The following SLC26A7 variants were observed in gnomAD, a reference collection of about 807,000 sequenced individuals.
The protein encoded by SLC26A7 is solute carrier family 26 member 7.
In SLC26A7, 59 loss-of-function variants were observed where a neutral mutation model predicts 82.5. That is an observed-to-expected ratio of 0.72 (90% CI 0.58 to 0.89). SLC26A7 has a LOEUF of 0.89. Ranked by LOEUF, SLC26A7 falls within the 40% of genes least tolerant of loss-of-function variation. The pLI is 0.00. For missense variants in SLC26A7, 820 were observed against 793.0 expected (o/e 1.03, Z -0.41); for synonymous variants, 271 against 274.3 (o/e 0.99, Z 0.12).
At chr8:91,280,138 C>T (rs1444313788) in intron 2 of SLC26A7, among the ~76,000 whole-genome samples, 1 of 151,984 alleles carries the variant, frequency 6.6e-6, no homozygotes. Context: ...TCTTTTGTTG[C>T]CTATGTTTTT....
intron 2 of SLC26A7, among the ~76,000 whole-genome samples, chr8:91,277,064 C>T (rs376933136): frequency 2.6e-5 from 4 of 152,272 alleles, no homozygotes; most frequent in African/African-American, 9.6e-5. Flanking sequence ...CCTTGCTTTC[C>T]TTCGAATACT....
intron 2 of SLC26A7, among the ~76,000 whole-genome samples, chr8:91,280,609 C>T (rs1811545475): frequency 6.6e-6 from 1 of 152,210 alleles, no homozygotes; most frequent in Non-Finnish European, 1.5e-5. Flanking sequence ...CTATTATTTG[C>T]CAGGAGTGCC....
At chr8:91,367,361 T>C (rs1429119779) in intron 14 of SLC26A7, among the ~76,000 whole-genome samples, 3 of 152,230 alleles carry the variant, frequency 2.0e-5, no homozygotes, top group Non-Finnish European at 4.4e-5. Flanking sequence ...CTAAACGTGA[T>C]AGAATATGAT....
intron 15 of SLC26A7, among the ~76,000 whole-genome samples, chr8:91,386,284 G>A (rs1179911899): frequency 6.6e-6 from 1 of 152,012 alleles, no homozygotes; most frequent in African/African-American, 2.4e-5. Context: ...ATTATGTTTG[G>A]TAGTAAATAA....
At chr8:91,368,707 G>A (rs1307172185) in intron 14 of SLC26A7, among the ~76,000 whole-genome samples, 2 of 152,146 alleles carry the variant, frequency 1.3e-5, no homozygotes, top group African/African-American at 4.8e-5. Context: ...ACAGGCGTGA[G>A]CCACCACGCC....
chr8:91,238,587 A>G (rs1413389235), intron 2 of SLC26A7, among the ~76,000 whole-genome samples: 1 of 150,180 alleles, frequency 6.7e-6, no homozygotes, highest in Non-Finnish European at 1.5e-5. Context: ...ATATATATAT[A>G]CATATAATTT....
At chr8:91,286,466 T>C (rs4386941) in intron 2 of SLC26A7, among the ~76,000 whole-genome samples, 88,058 of 151,994 alleles carry the variant, frequency 0.58, 27,461 homozygotes, top group Non-Finnish European at 0.7. Context: ...TAATCAGCCA[T>C]GTAAAGATTT....
At chr8:91,363,419 T>C (rs1814103497) in intron 12 of SLC26A7, 53 bp from the exon 13 acceptor site, 1 of 1,152,466 alleles carries the variant, frequency 8.7e-7, no homozygotes, top group Non-Finnish European at 1.3e-6. Context: ...CTTCATTGTT[T>C]ATATAATGAT....
At chr8:91,289,797 T>A (rs999504591) in intron 3 of SLC26A7, among the ~76,000 whole-genome samples, 2 of 152,194 alleles carry the variant, frequency 1.3e-5, no homozygotes, top group African/African-American at 4.8e-5. Context: ...AATGATGATC[T>A]TTAGGTTTAT....
rs372317745 is a variant in SLC26A7, at chr8:91,256,689, CT to C, written c.193+6851del. ...GACTCTCCATTTGCATGTGCAAACACTTTTTTGCTTTGTTTATGTAGATTTA... is the reference window on the plus strand; with the variant it reads ...GACTCTCCATTTGCATGTGCAAACACTTTTTGCTTTGTTTATGTAGATTTA... On this transcript the variant is annotated intron_variant, in intron 2 of 18. Transcript: ENST00000276609. Among the ~76,000 whole-genome samples the C allele has an allele frequency of 6.2e-4, 95 of 152,194 alleles. 1 individual carries two copies. Among genetic ancestry groups the C allele is most frequent in the African/African-American group, 2.2e-3 (90 of 41,526 alleles).
At chr8:91,223,893 T>C (rs1182868027) in intron 2 of SLC26A7, among the ~76,000 whole-genome samples, 1 of 152,010 alleles carries the variant, frequency 6.6e-6, no homozygotes, top group East Asian at 1.9e-4. Flanking sequence ...TTTTTTTCTC[T>C]GTTCTTGCCT....
In SLC26A7 at chr8:91,317,944, A is replaced by C. The variant is rs975367179; in HGVS notation, c.478-272A>C. Among the ~76,000 whole-genome samples the C allele has an allele frequency of 8.3e-4, 117 of 141,596 alleles. 2 individuals are homozygous for C. Among genetic ancestry groups the C allele is most frequent in the African/African-American group, 3.0e-3 (112 of 36,772 alleles). The allele number at this position is 141,596 out of a possible 152,430, so 92.9% of individuals were successfully genotyped here. A position where few individuals can be genotyped will look rare whatever the true frequency, so the allele number is the denominator to read the frequency against. On this transcript the variant is annotated intron_variant, in intron 4 of 18. Transcript: ENST00000276609. ...TAGAACTTAAACTATAATAAGATAT[A>C]TATATATATATATAAAATAAAAATA... is the stretch of plus-strand genomic sequence containing the variant.
intron 2 of SLC26A7, among the ~76,000 whole-genome samples, chr8:91,252,688 T>G (rs1810692680): frequency 6.6e-6 from 1 of 152,162 alleles, no homozygotes; most frequent in Non-Finnish European, 1.5e-5. Flanking sequence ...TATTTATTTA[T>G]TAATTTTTAA....
rs1810794494 is a variant in SLC26A7, at chr8:91,256,137, G to A, written c.193+6293G>A. Among the ~76,000 whole-genome samples, 7 of 152,248 alleles carry A rather than the reference G, an allele frequency of 4.6e-5. No homozygotes were observed. The South Asian group carries it at 1.5e-3, about 32-fold the overall frequency. On this transcript the variant is annotated intron_variant, in intron 2 of 18. Transcript: ENST00000276609. ...GGAGGCCTATTGGAACCATCTTGGGGATTAAAAGAATGCTAATACAAGGGT... is the reference window on the plus strand; with the variant it reads ...GGAGGCCTATTGGAACCATCTTGGGAATTAAAAGAATGCTAATACAAGGGT...
chr8:91,325,410 A>C (rs996763423), intron 5 of SLC26A7, among the ~76,000 whole-genome samples: 1 of 152,096 alleles, frequency 6.6e-6, no homozygotes, highest in African/African-American at 2.4e-5. Flanking sequence ...AAATATGAAA[A>C]TTCCTCTCCC....
At chr8:91,285,427 A>T (rs1228356711) in intron 2 of SLC26A7, among the ~76,000 whole-genome samples, 1 of 152,246 alleles carries the variant, frequency 6.6e-6, no homozygotes, top group Non-Finnish European at 1.5e-5. Context: ...TTTTATAAGG[A>T]CACCAGTCAT....
At chr8:91,302,640 C>T (rs1269757781) in intron 4 of SLC26A7, among the ~76,000 whole-genome samples, 2 of 152,044 alleles carry the variant, frequency 1.3e-5, no homozygotes. Flanking sequence ...TGTATATATT[C>T]ATGAACCCAT....
At chr8:91,320,109 C>G (rs1184492234) in intron 5 of SLC26A7, among the ~76,000 whole-genome samples, 3 of 152,086 alleles carry the variant, frequency 2.0e-5, no homozygotes, top group African/African-American at 7.2e-5. Context: ...TGTCACCAGG[C>G]TGGAGTACAG....
chr8:91,295,427 G>C lies in SLC26A7; in HGVS notation c.305-104G>C. 3.1e-6 allele frequency: 4 copies of C among 1,293,520 alleles called. No individual in the cohort carries two copies. The South Asian group carries it at 5.8e-5, about 19-fold the overall frequency. 80.1% of individuals were successfully genotyped at this position (1,293,520 alleles called of 1,614,324 possible). ...AGAGGAGGGGACAGTGTTTCTAATA[G>C]ATCTGTTTGGTTTCACAATGTAGCT... On this transcript the variant is annotated intron_variant, in intron 3 of 18. Transcript: ENST00000276609.
Sources: allele counts gnomAD v4.1 joint callset (sites outside exome capture counted in the v4.1 genomes callset), GRCh38; gene constraint gnomAD v4.1.1; transcripts MANE v1.5; gene names NCBI Gene and HGNC (gene_info 2026-07-23, HGNC 2026-07-21).